The following GLYATL1 variants were observed in gnomAD, a reference collection of about 807,000 sequenced individuals.
GLYATL1 encodes the protein glycine N-acyltransferase-like protein 1.
A neutral mutation model predicts 20.0 loss-of-function variants in GLYATL1; 15 were observed. The ratio of observed to expected loss-of-function variants is 0.75; its 90% CI spans 0.50 to 1.15. GLYATL1 has a LOEUF of 1.15. Among genes scored for constraint, GLYATL1 ranks in the 50% most tolerant of loss-of-function variants. The pLI, the probability that GLYATL1 is intolerant of heterozygous loss-of-function variation, is 0.00. For missense variants in GLYATL1, 380 were observed against 368.5 expected, an observed-to-expected ratio of 1.03 and a Z score of -0.26; for synonymous variants, 151 against 131.5, an observed-to-expected ratio of 1.15 and a Z score of -1.01.
chr11:58,920,113 G>C (rs1388872979), intron 1 of GLYATL1, among the ~76,000 whole-genome samples: 1 of 152,068 alleles, frequency 6.6e-6, no homozygotes, highest in African/African-American at 2.4e-5. Context: ...TGCCTGTTTT[G>C]CCTCTTTGTC....
intron 1 of GLYATL1, among the ~76,000 whole-genome samples, chr11:58,918,073 C>G (rs865821431): frequency 1.3e-5 from 2 of 152,096 alleles, no homozygotes; most frequent in Non-Finnish European, 2.9e-5. Context: ...CAAGGCAGAT[C>G]TACTCTCTTT....
intron 3 of GLYATL1, 67 bp from the exon 4 acceptor site, chr11:58,947,791 T>C (rs1374421643): frequency 1.1e-5 from 12 of 1,083,118 alleles, no homozygotes; most frequent in Non-Finnish European, 1.7e-5. Context: ...TTTCTCTTCC[T>C]CTTCACAACC....
chr11:58,941,726 A>T (rs1242807315), intron 1 of GLYATL1, among the ~76,000 whole-genome samples: 1 of 152,224 alleles, frequency 6.6e-6, no homozygotes, highest in Non-Finnish European at 1.5e-5. Flanking sequence ...CCTGAAGCAG[A>T]GAGGCCAAAG....
chr11:58,924,046 C>T (rs530828866), upstream of GLYATL1, among the ~76,000 whole-genome samples: 10 of 152,254 alleles, frequency 6.6e-5, no homozygotes, highest in South Asian at 4.2e-4. Flanking sequence ...ATAACTCGTA[C>T]GCTGAGACAC....
chr11:58,943,342 C>G, intron 1 of GLYATL1: 1 of 1,550,424 alleles, frequency 6.4e-7, no homozygotes, highest in Non-Finnish European at 8.7e-7. Flanking sequence ...CAGTTGTAAC[C>G]AATCTCTTTG....
intron 4 of GLYATL1, among the ~76,000 whole-genome samples, chr11:58,949,090 G>A (rs1308132256): frequency 6.6e-6 from 1 of 152,192 alleles, no homozygotes; most frequent in African/African-American, 2.4e-5. Context: ...GACACACAAG[G>A]AATAAATGAT....
chr11:58,950,170 A>C (rs1856882366), intron 4 of GLYATL1, among the ~76,000 whole-genome samples: 1 of 147,820 alleles, frequency 6.8e-6, no homozygotes, highest in Non-Finnish European at 1.5e-5. Flanking sequence ...GGGCGCCTGT[A>C]GTCCCAACTA....
chr11:58,921,776 T>C (rs577684330), intron 1 of GLYATL1, among the ~76,000 whole-genome samples: 1 of 152,194 alleles, frequency 6.6e-6, no homozygotes, highest in Non-Finnish European at 1.5e-5. Context: ...TCAGTTAATG[T>C]ACACCTTGAT....
rs1854927980 is a variant in GLYATL1 at position 58,907,478 on chromosome 11, T to TA, written n.476_477insA. On this transcript the variant is annotated non_coding_transcript_exon_variant, in exon 2 of 2. Coordinates refer to the GLYATL1 transcript ENST00000524629. ...TTATTTCATGTATTTCGCTCTTTTT[T>TA]GTTTGTTTTGTTTTGTTTTGTTTTC... 2.6e-5 allele frequency: 5 copies of TA among 193,808 alleles called. No individual in the cohort carries two copies. The Middle Eastern group carries it at 2.3e-3, about 90-fold the overall frequency. The allele number at this position is 193,808 out of a possible 1,614,324, so 12.0% of individuals were successfully genotyped here. A position where few individuals can be genotyped will look rare whatever the true frequency, so the allele number is the denominator to read the frequency against.
chr11:58,955,602 G>A lies in GLYATL1; in HGVS notation c.492-8G>A. On this transcript the variant is annotated splice_polypyrimidine_tract_variant and splice_region_variant and intron_variant, in intron 6 of 6. Coordinates refer to ENST00000532726, the MANE Select transcript of GLYATL1 (RefSeq NM_001389712.2). ...GAAAGTTGTTGTCTTTCTTTTTGTT[G>A]TCTACAGTGAAACTCCCAACTTTAA... 2 of 1,610,784 alleles carry A rather than the reference G, an allele frequency of 1.2e-6. No individual in the cohort carries two copies. The highest frequency in any genetic ancestry group is 2.2e-5 in the South Asian group (2 of 90,890).
intron 1 of GLYATL1, among the ~76,000 whole-genome samples, chr11:58,940,198 T>G (rs181870476): frequency 2.0e-5 from 3 of 152,280 alleles, no homozygotes; most frequent in Admixed American, 2.0e-4. Flanking sequence ...GTATGTGATA[T>G]TCTCCTGTGG....
chr11:58,920,696 G>A (rs1855288942), intron 1 of GLYATL1, among the ~76,000 whole-genome samples: 1 of 152,192 alleles, frequency 6.6e-6, no homozygotes, highest in Non-Finnish European at 1.5e-5. Context: ...GCTATGCTGG[G>A]ATTCTCACAT....
At chr11:58,915,338 T>G (rs1161600230) in intron 1 of GLYATL1, among the ~76,000 whole-genome samples, 1 of 152,158 alleles carries the variant, frequency 6.6e-6, no homozygotes, top group Non-Finnish European at 1.5e-5. Context: ...TTTCTAAGGC[T>G]CAGTGAAGGG....
chr11:58,918,162 A>G (rs1291948493), intron 1 of GLYATL1, among the ~76,000 whole-genome samples: 2 of 152,196 alleles, frequency 1.3e-5, no homozygotes, highest in East Asian at 1.9e-4. Flanking sequence ...GGTTGATTGG[A>G]TGCTCCTGGT....
chr11:58,930,000 T>G (rs1239323037), intron 1 of GLYATL1, among the ~76,000 whole-genome samples: 1 of 152,234 alleles, frequency 6.6e-6, no homozygotes, highest in Non-Finnish European at 1.5e-5. Context: ...GGAAGCCATT[T>G]TGAATATTTT....
chr11:58,919,652 A>G (rs1855261113), intron 1 of GLYATL1, among the ~76,000 whole-genome samples: 1 of 152,122 alleles, frequency 6.6e-6, no homozygotes, highest in South Asian at 2.1e-4. Context: ...ATAAACACCA[A>G]CATGTACCAA....
intron 1 of GLYATL1, among the ~76,000 whole-genome samples, chr11:58,915,538 G>A (rs75029033): frequency 0.011 from 1,630 of 152,266 alleles, 33 homozygotes; most frequent in African/African-American, 0.037. Context: ...CCTTAACTCA[G>A]GAATTCTCAA....
At chr11:58,955,448 C>T (rs912094520) in intron 6 of GLYATL1, 95 bp downstream of exon 6, 1 of 1,381,872 alleles carries the variant, frequency 7.2e-7, no homozygotes, top group Admixed American at 2.1e-5. Flanking sequence ...AGGATGAATT[C>T]ATTCCTTGGG....
upstream of GLYATL1, chr11:58,934,736 G>C (rs1023012950): frequency 6.5e-6 from 1 of 152,840 alleles, no homozygotes; most frequent in African/African-American, 2.4e-5. Flanking sequence ...CCTGGAGAGT[G>C]GGGTGGCAGA....
Sources: gnomAD v4.1 joint callset for allele counts (sites outside exome capture counted in the v4.1 genomes callset) on GRCh38, gnomAD v4.1.1 for gene constraint, MANE v1.5 for transcripts, NCBI Gene and HGNC (gene_info 2026-07-23, HGNC 2026-07-21) for gene names.